The following FAM83A variants were observed in gnomAD, a reference collection of about 807,000 sequenced individuals.
FAM83A encodes protein FAM83A.
In FAM83A, 21 loss-of-function variants were observed where a neutral mutation model predicts 24.4. The observed-to-expected ratio is 0.86, with a 90% CI of 0.61 to 1.24. FAM83A has a LOEUF of 1.24. Among genes scored for constraint, FAM83A ranks in the 50% most tolerant of loss-of-function variants. FAM83A has a pLI of 0.00. For synonymous variants in FAM83A, 270 were observed against 252.4 expected, an observed-to-expected ratio of 1.07 and a Z score of -0.66; for missense variants, 617 against 579.8, an observed-to-expected ratio of 1.06 and a Z score of -0.66.
At chr8:123,182,747 C>A in exon 1 of FAM83A, 25 of 1,463,962 alleles carry the variant, frequency 1.7e-5, no homozygotes, top group Non-Finnish European at 2.1e-5. Flanking sequence ...GAGCAGGCGG[C>A]CTCCCGGGGG....
intron 3 of FAM83A, among the ~76,000 whole-genome samples, chr8:123,197,379 G>T (rs541286782): frequency 6.6e-6 from 1 of 152,314 alleles, no homozygotes; most frequent in South Asian, 2.1e-4. Flanking sequence ...GGGTCCCCAT[G>T]TAAGTGCCTG....
chr8:123,208,079 A>T, exon 4 of FAM83A: 1 of 1,026,658 alleles, frequency 9.7e-7, no homozygotes, highest in Middle Eastern at 4.7e-4. Flanking sequence ...TGAGAGATAG[A>T]TGGTAGTTTG....
At chr8:123,198,992 G>A (rs1450005806) in intron 3 of FAM83A, among the ~76,000 whole-genome samples, 2 of 152,064 alleles carry the variant, frequency 1.3e-5, no homozygotes, top group Admixed American at 6.5e-5. Flanking sequence ...CGCCCTCCTC[G>A]GCCTCCGAAA....
chr8:123,193,955 C>G, intron 2 of FAM83A, 69 bp from the exon 3 acceptor site: 2 of 1,584,650 alleles, frequency 1.3e-6, no homozygotes, highest in Non-Finnish European at 1.7e-6. Context: ...CATAAACATC[C>G]AGCCTAAAGC....
chr8:123,208,768 G>T, exon 4 of FAM83A: 2 of 982,494 alleles, frequency 2.0e-6, no homozygotes, highest in Non-Finnish European at 2.4e-6. Flanking sequence ...TGCCAAGGTG[G>T]TTGGATTACC....
intron 3 of FAM83A, among the ~76,000 whole-genome samples, chr8:123,206,080 T>C (rs181628370): frequency 3.0e-4 from 46 of 151,248 alleles, no homozygotes; most frequent in African/African-American, 1.0e-3. Flanking sequence ...GAGGCGGAGG[T>C]TGCAGTGGGA....
rs780847529 is a variant in FAM83A, at chr8:123,207,499, C to A, written c.1116C>A (p.His372Gln). The change falls in exon 4 of 4, where the codon CAC (histidine) becomes CAA (glutamine). Residue 372 changes from histidine (H) to glutamine (Q), a missense_variant. Physicochemically the swap from His to Gln is conservative, Grantham distance 24. Transcript: ENST00000690554. Reference sequence around the variant, plus strand: ...CTCCACCGCCCCGGTTCCAGCCCCACCAAGGCCCTTGGGGAGCCCCGAGTC... The same window carrying A: ...CTCCACCGCCCCGGTTCCAGCCCCAACAAGGCCCTTGGGGAGCCCCGAGTC... The A allele has an allele frequency of 1.1e-5, 17 of 1,581,082 alleles. No homozygotes were observed. The African/African-American group carries it at 2.2e-4, about 20-fold the overall frequency.
chr8:123,203,458 C>T (rs906121813), intron 3 of FAM83A, among the ~76,000 whole-genome samples: 13 of 151,458 alleles, frequency 8.6e-5, no homozygotes, highest in African/African-American at 1.7e-4. Context: ...TGTGGTGGCA[C>T]GTGCCTGTAG....
At chr8:123,181,103 G>A (rs902797465), upstream of FAM83A, among the ~76,000 whole-genome samples, 4 of 151,998 alleles carry the variant, frequency 2.6e-5, no homozygotes, top group African/African-American at 9.7e-5. Context: ...CATACCACCA[G>A]GCCCGGCTAA....
At chr8:123,184,352 T>G (rs1033018566) in intron 1 of FAM83A, among the ~76,000 whole-genome samples, 5 of 152,052 alleles carry the variant, frequency 3.3e-5, no homozygotes, top group Admixed American at 3.3e-4. Flanking sequence ...TTGCCCCTTC[T>G]CCTCTCAGAC....
chr8:123,184,552 G>C (rs922996438), intron 1 of FAM83A, among the ~76,000 whole-genome samples: 2 of 151,952 alleles, frequency 1.3e-5, no homozygotes, highest in African/African-American at 4.8e-5. Context: ...TTCAGGCACC[G>C]TGAGAGCTGG....
chr8:123,199,043 A>G (rs1824259221), intron 3 of FAM83A, among the ~76,000 whole-genome samples: 1 of 152,138 alleles, frequency 6.6e-6, no homozygotes, highest in South Asian at 2.1e-4. Flanking sequence ...CCCAGCTTCT[A>G]TACCCAACTT....
intron 2 of FAM83A, among the ~76,000 whole-genome samples, chr8:123,192,407 C>T (rs1824011564): frequency 6.6e-6 from 1 of 152,210 alleles, no homozygotes; most frequent in Non-Finnish European, 1.5e-5. Context: ...AGGCAACCTC[C>T]AGGGTCTGTG....
rs968588227 is a variant in FAM83A, at chr8:123,209,742, C to T, written c.*2054C>T. ...AGGAACAAGCCCCCCTACTCCTGAC[C>T]ACCCTCCATCAGCAGTCTCCCCTCC... On this transcript the variant is annotated 3_prime_UTR_variant, in exon 4 of 4. Coordinates refer to ENST00000690554, the Ensembl canonical transcript of FAM83A. This position sits in a 1 kb window ranked among gnomAD's most constrained non-coding sequence, Gnocchi z 4.7. 9.9e-6 allele frequency: 6 copies of T among 607,634 alleles called. No homozygotes were observed. Among genetic ancestry groups the T allele is most frequent in the African/African-American group, 9.2e-5 (5 of 54,138 alleles). The allele number at this position is 607,634 out of a possible 1,614,324, so 37.6% of individuals were successfully genotyped here.
At chr8:123,207,122 T>C in intron 3 of FAM83A, 35 bp from the exon 4 acceptor site, 1 of 1,050,328 alleles carries the variant, frequency 9.5e-7, no homozygotes, top group South Asian at 1.8e-5. Flanking sequence ...CCTTCCCCCT[T>C]CTCCTCCATC....
intron 1 of FAM83A, among the ~76,000 whole-genome samples, chr8:123,189,241 C>T (rs1279948730): frequency 6.6e-6 from 1 of 152,222 alleles, no homozygotes; most frequent in Non-Finnish European, 1.5e-5. Flanking sequence ...CGATTTCCTG[C>T]CCAGGGTGAG....
chr8:123,207,098 C>T (rs1206200413), intron 3 of FAM83A, 59 bp from the exon 4 acceptor site: 20 of 830,580 alleles, frequency 2.4e-5, no homozygotes, highest in Non-Finnish European at 3.3e-5. Flanking sequence ...TCCTCCTCCA[C>T]TTCCCCTCCC....
At chr8:123,184,296 C>T (rs1823718825) in intron 1 of FAM83A, among the ~76,000 whole-genome samples, 1 of 152,128 alleles carries the variant, frequency 6.6e-6, no homozygotes, top group African/African-American at 2.4e-5. Flanking sequence ...TAGGTGCCCA[C>T]CTCTGCGCTT....
intron 1 of FAM83A, among the ~76,000 whole-genome samples, chr8:123,191,368 C>T (rs1350553308): frequency 2.0e-5 from 3 of 152,198 alleles, no homozygotes; most frequent in South Asian, 2.1e-4. Flanking sequence ...TAGGATTCCA[C>T]GGCTTAACAG....
Sources: gnomAD v4.1 joint callset for allele counts (sites outside exome capture counted in the v4.1 genomes callset) on GRCh38, gnomAD v4.1.1 for gene constraint, Gnocchi (gnomAD v3.1) non-coding constraint, MANE v1.5 for transcripts, NCBI Gene and HGNC (gene_info 2026-07-23, HGNC 2026-07-21) for gene names.